IFT122: variants seen among roughly 807,000 people sequenced by gnomAD.
IFT122 encodes intraflagellar transport 122, also known as intraflagellar transport protein 122 homolog.
In IFT122, 118 loss-of-function variants were observed where a neutral mutation model predicts 161.6. The observed-to-expected ratio is 0.73, with a 90% CI of 0.63 to 0.85. IFT122 has a LOEUF of 0.85. IFT122 is among the 40% of genes least tolerant of loss of function. The pLI is 0.00. For missense variants in IFT122, 1,381 were observed against 1,579.6 expected, an observed-to-expected ratio of 0.87 and a Z score of 2.13; for synonymous variants, 550 against 602.4, an observed-to-expected ratio of 0.91 and a Z score of 1.27.
At chr3:129,516,138 G>A in intron 26 of IFT122, among the ~76,000 whole-genome samples, 1 of 132,708 alleles carries the variant, frequency 7.5e-6, no homozygotes, top group Non-Finnish European at 1.6e-5. Flanking sequence ...CACAGAGACT[G>A]CCCCTGCACA....
chr3:129,460,441 TTTA>T, intron 4 of IFT122, among the ~76,000 whole-genome samples: 1 of 146,824 alleles, frequency 6.8e-6, no homozygotes, highest in East Asian at 1.9e-4. Context: ...CTTTTTTTTC[TTTA>T]TTATTATTTT....
chr3:129,458,424 AG>A (rs768903491), intron 3 of IFT122, among the ~76,000 whole-genome samples, 174 bp from the exon 4 acceptor site: 2 of 152,220 alleles, frequency 1.3e-5, no homozygotes, highest in African/African-American at 2.4e-5. Flanking sequence ...CAGACAAAGC[AG>A]GTTTGGAACC....
At chr3:129,440,497 C>T (rs923753741) in intron 1 of IFT122, 126 bp downstream of exon 1, 2 of 1,150,586 alleles carry the variant, frequency 1.7e-6, no homozygotes, top group Non-Finnish European at 2.5e-6. Context: ...GAACCCCGGC[C>T]TGGGAGACTG....
chr3:129,490,716 G>T (rs747962421), intron 16 of IFT122, among the ~76,000 whole-genome samples: 1 of 152,170 alleles, frequency 6.6e-6, no homozygotes, highest in Non-Finnish European at 1.5e-5. Flanking sequence ...TGGCCACTGT[G>T]CTGGGCTTTG....
chr3:129,462,866 G>A (rs745692614), intron 5 of IFT122, among the ~76,000 whole-genome samples: 1 of 152,202 alleles, frequency 6.6e-6, no homozygotes, highest in Non-Finnish European at 1.5e-5. Flanking sequence ...GAGAGGCACA[G>A]CTCAGATAGA....
At chr3:129,446,965 A>G (rs74755699) in intron 1 of IFT122, among the ~76,000 whole-genome samples, 1 of 152,190 alleles carries the variant, frequency 6.6e-6, no homozygotes, top group Non-Finnish European at 1.5e-5. Flanking sequence ...CATTCTTACT[A>G]TAGTCACCTG....
At chr3:129,442,585 A>C (rs533030782) in intron 1 of IFT122, among the ~76,000 whole-genome samples, 27 of 152,150 alleles carry the variant, frequency 1.8e-4, no homozygotes, top group African/African-American at 6.3e-4. Flanking sequence ...TAAACAAAAA[A>C]AAAAAAGACA....
At chr3:129,469,972 C>T (rs2077196607) in intron 9 of IFT122, among the ~76,000 whole-genome samples, 1 of 152,038 alleles carries the variant, frequency 6.6e-6, no homozygotes, top group African/African-American at 2.4e-5. Context: ...TACAGATAGA[C>T]AGCTTTTTGG....
At chr3:129,488,440 G>A in intron 16 of IFT122, 43 bp downstream of exon 16, 2 of 1,613,504 alleles carry the variant, frequency 1.2e-6, no homozygotes, top group Non-Finnish European at 1.7e-6. Flanking sequence ...GTCCTTGTGG[G>A]GTCCCTTAAG....
chr3:129,504,268 T>C (rs2081956713), intron 20 of IFT122, 51 bp from the exon 21 acceptor site: 1 of 1,431,516 alleles, frequency 7.0e-7, no homozygotes, highest in African/African-American at 1.4e-5. Context: ...AGTGTTTTCA[T>C]GGGGGCTGCA....
intron 15 of IFT122, among the ~76,000 whole-genome samples, chr3:129,484,165 A>G (rs560390826): frequency 6.6e-6 from 1 of 152,186 alleles, no homozygotes; most frequent in African/African-American, 2.4e-5. Context: ...TCTCTGAACC[A>G]GGAGGTGGCC....
intron 20 of IFT122, 162 bp from the exon 21 acceptor site, chr3:129,504,157 G>GT (rs2081942469): frequency 1.6e-6 from 1 of 626,740 alleles, no homozygotes; most frequent in African/African-American, 1.8e-5. Context: ...GAGCTGATTT[G>GT]TTTTTGCATT....
chr3:129,442,202 C>T (rs1402828494), intron 1 of IFT122, among the ~76,000 whole-genome samples: 4 of 152,088 alleles, frequency 2.6e-5, no homozygotes, highest in Admixed American at 6.5e-5. Context: ...GTTCATTTCT[C>T]TCTTGTGGTA....
At chr3:129,495,704 A>G (rs893822282) in intron 18 of IFT122, 97 bp downstream of exon 18, 180 of 1,336,364 alleles carry the variant, frequency 1.3e-4, no homozygotes, top group Admixed American at 3.1e-4. Flanking sequence ...TGCTGCGGAC[A>G]AAAACTAGCA....
chr3:129,478,058 A>G lies in IFT122; in HGVS notation c.1190A>G (p.Tyr397Cys), dbSNP rs965712410. ...GAGCTTGTCAAGAAGATTGCCATCTACAGAAATCGATTGGCTATCCAACTG... is the reference window on the plus strand; with the variant it reads ...GAGCTTGTCAAGAAGATTGCCATCTGCAGAAATCGATTGGCTATCCAACTG... ...CKELVKKIAI[Y>C]RNRLAIQLPE... Residue 397 changes from tyrosine to cysteine, a missense_variant, in exon 12 of 30, where the codon TAC (tyrosine) becomes TGC (cysteine). Physicochemically the swap from Tyr to Cys is radical, Grantham distance 194. This residue lies in a region of IFT122 where 544 missense variants were observed against 648.0 expected (regional missense o/e 0.84). Transcript: ENST00000348417. 3.1e-6 allele frequency: 5 copies of G among 1,614,110 alleles called. No homozygotes were observed. The African/African-American group carries it at 5.3e-5, about 17-fold the overall frequency.
At chr3:129,454,513 T>TTGTGTGTGTG (rs61557048) in intron 3 of IFT122, among the ~76,000 whole-genome samples, 5,102 of 131,088 alleles carry the variant, frequency 0.039, 188 homozygotes, top group African/African-American at 0.092. Flanking sequence ...GTAGTCATAT[T>TTGTGTGTGTG]TGTGTGTGTG....
chr3:129,445,233 G>A (rs2073847113), intron 1 of IFT122, among the ~76,000 whole-genome samples: 1 of 152,172 alleles, frequency 6.6e-6, no homozygotes, highest in African/African-American at 2.4e-5. Flanking sequence ...GGCTAAGGCA[G>A]GAGAATCGAT....
intron 4 of IFT122, among the ~76,000 whole-genome samples, chr3:129,460,197 C>T (rs1294301024): frequency 6.6e-6 from 1 of 152,130 alleles, no homozygotes; most frequent in African/African-American, 2.4e-5. Context: ...ATTCTATATC[C>T]TTCAAATACC....
rs1363258959 is a variant in IFT122, at chr3:129,448,225, C to T, written c.42-1646C>T. On this transcript the variant is annotated intron_variant, in intron 1 of 29. Transcript: ENST00000348417. ...TCAACAGCAATGGAAAACTAGGATA[C>T]GGACACACCAGAGTGAGGTTACGAG... Among the ~76,000 whole-genome samples the T allele has an allele frequency of 3.9e-5, 6 of 152,138 alleles. No homozygotes were observed. The South Asian group carries it at 1.2e-3, about 32-fold the overall frequency.
Sources: allele counts gnomAD v4.1 joint callset (sites outside exome capture counted in the v4.1 genomes callset), GRCh38; gene constraint gnomAD v4.1.1; regional missense constraint gnomAD v4.1.1; transcripts MANE v1.5; gene names NCBI Gene and HGNC (gene_info 2026-07-23, HGNC 2026-07-21).